SH3KBP1: variants seen among roughly 807,000 people sequenced by gnomAD.
SH3KBP1 encodes SH3 domain containing kinase binding protein 1.
A neutral mutation model predicts 50.1 loss-of-function variants in SH3KBP1; 8 were observed. The ratio of observed to expected loss-of-function variants is 0.16; its 90% CI spans 0.09 to 0.29. The LOEUF is 0.29. SH3KBP1 is among the 10% of genes least tolerant of loss of function. The probability of loss-of-function intolerance (pLI) is 1.00; values close to 1 mark genes in which losing one functional copy is unlikely to be tolerated. For synonymous variants in SH3KBP1, 227 were observed against 218.6 expected (o/e 1.04, Z -0.34); for missense variants, 377 against 535.2 (o/e 0.70, Z 2.92).
chrX:19,788,269 C>CAAAAAAAAAAAAA lies in SH3KBP1; in HGVS notation c.163-41841_163-41829dup, dbSNP rs1227301099. ...GAGCAACAGAGCAAGATTCTATCTC[C>CAAAAAAAAAAAAA]AAAAAAAAAAAAAAAACAAAAAAAA... On this transcript the variant is annotated intron_variant, in intron 2 of 17. Transcript: ENST00000397821. Among the ~76,000 whole-genome samples the CAAAAAAAAAAAAA allele has an allele frequency of 7.1e-4, 18 of 25,471 alleles. 1 individual carries two copies. The highest frequency in any genetic ancestry group is 2.7e-3 in the East Asian group (2 of 747). The allele number at this position is 25,471 out of a possible 115,157, so 22.1% of individuals were successfully genotyped here.
chrX:19,567,018 T>G (rs2065861876), intron 13 of SH3KBP1, among the ~76,000 whole-genome samples: 1 of 110,488 alleles, frequency 9.1e-6, no homozygotes, highest in African/African-American at 3.3e-5. Context: ...ATCGCACATC[T>G]GTTTCTAAAG....
chrX:19,852,548 T>A (rs756015331), intron 1 of SH3KBP1, among the ~76,000 whole-genome samples: 2 of 107,091 alleles, frequency 1.9e-5, no homozygotes, highest in South Asian at 8.4e-4. Flanking sequence ...GGACTCAAAG[T>A]CCGTCTTCTT....
intron 6 of SH3KBP1, among the ~76,000 whole-genome samples, chrX:19,662,819 CT>C (rs754310237): frequency 0.012 from 1,105 of 91,486 alleles, 4 homozygotes; most frequent in Non-Finnish European, 0.017. Flanking sequence ...CCAGGACTGA[CT>C]TTTTTTTTTT....
At chrX:19,641,191 A>G (rs751840607) in intron 7 of SH3KBP1, among the ~76,000 whole-genome samples, 1 of 112,287 alleles carries the variant, frequency 8.9e-6, no homozygotes, top group African/African-American at 3.2e-5. Context: ...AGTGGCTGGT[A>G]AGAAGAGAGG....
intron 2 of SH3KBP1, among the ~76,000 whole-genome samples, chrX:19,819,833 T>A (rs1286118148): frequency 8.9e-6 from 1 of 111,839 alleles, no homozygotes; most frequent in Non-Finnish European, 1.9e-5. Context: ...TCCTCCATTC[T>A]AATGTAAACT....
rs775185759 is a variant in SH3KBP1 at position 19,554,224 on chromosome X, CAT to C, written c.1385-4143_1385-4142del. ...CATATTAAAATATAATATTATATAT[CAT>C]ATTAAAATATATTATATATATTAAA... On this transcript the variant is annotated intron_variant, in intron 13 of 17. Coordinates refer to ENST00000397821, the MANE Select transcript of SH3KBP1 (RefSeq NM_031892.3). Among the ~76,000 whole-genome samples the C allele has an allele frequency of 2.9e-3, 193 of 67,191 alleles. 1 individual carries two copies. Among genetic ancestry groups the C allele is most frequent in the Non-Finnish European group, 4.0e-3 (165 of 41,489 alleles). 58.3% of individuals were successfully genotyped at this position (67,191 alleles called of 115,157 possible). A position where few individuals can be genotyped will look rare whatever the true frequency, so the allele number is the denominator to read the frequency against.
chrX:19,846,124 C>T (rs980210100), intron 1 of SH3KBP1, among the ~76,000 whole-genome samples: 6 of 112,060 alleles, frequency 5.4e-5, no homozygotes, highest in Admixed American at 1.9e-4. Flanking sequence ...TGCAGTGGCA[C>T]GATCTAGGCT....
chrX:19,779,306 A>C (rs2066084767), intron 2 of SH3KBP1, among the ~76,000 whole-genome samples: 1 of 108,703 alleles, frequency 9.2e-6, no homozygotes, highest in African/African-American at 3.3e-5. Context: ...CTCAAAAAAA[A>C]AAAAAAAAGG....
intron 5 of SH3KBP1, among the ~76,000 whole-genome samples, chrX:19,685,446 G>C (rs902344318): frequency 8.9e-6 from 1 of 111,769 alleles, no homozygotes; most frequent in African/African-American, 3.3e-5. Context: ...CCAAAAGGGT[G>C]GGGGAGGAGG....
rs779926975 is a variant in SH3KBP1 at position 19,760,549 on chromosome X, G to GT, written c.163-14109_163-14108insA. On this transcript the variant is annotated intron_variant, in intron 2 of 17. Coordinates refer to ENST00000397821, the MANE Select transcript of SH3KBP1 (RefSeq NM_031892.3). ...AGAATTGGACTCACCCTGTAACCAT[G>GT]GTTACATGCATCTGGCATGTGTCAC... is the stretch of plus-strand genomic sequence containing the variant. Among the ~76,000 whole-genome samples the GT allele has an allele frequency of 1.8e-5, 2 of 108,804 alleles. 1 individual carries two copies. Among genetic ancestry groups the GT allele is most frequent in the South Asian group, 8.4e-4 (2 of 2,382 alleles). The allele number at this position is 108,804 out of a possible 115,157, so 94.5% of individuals were successfully genotyped here.
chrX:19,618,261 G>A (rs1233482033), intron 8 of SH3KBP1, among the ~76,000 whole-genome samples: 1 of 109,512 alleles, frequency 9.1e-6, no homozygotes, highest in Non-Finnish European at 1.9e-5. Flanking sequence ...GCACACACAT[G>A]TAATCCCAGC....
chrX:19,551,730 C>G (rs1199272834), intron 13 of SH3KBP1, among the ~76,000 whole-genome samples: 1 of 108,438 alleles, frequency 9.2e-6, no homozygotes, highest in Non-Finnish European at 1.9e-5. Context: ...GACATGTTGC[C>G]CAGGCTGGAG....
intron 13 of SH3KBP1, among the ~76,000 whole-genome samples, chrX:19,559,988 A>G (rs923076866): frequency 1.8e-5 from 2 of 111,300 alleles, no homozygotes; most frequent in African/African-American, 3.3e-5. Context: ...AAAACTTTAC[A>G]AAAAGGTATG....
rs771073241 is a variant in SH3KBP1, at chrX:19,830,850, A to AT, written c.162+5274dup. Among the ~76,000 whole-genome samples the AT allele has an allele frequency of 9.7e-3, 1,095 of 112,327 alleles. 20 individuals carry two copies. Among genetic ancestry groups the AT allele is most frequent in the African/African-American group, 0.033 (1,034 of 30,884 alleles). The stretch of plus-strand genomic sequence containing the variant: ...CTTCTTCCATATTTACAATAAATAA[A>AT]TAAGGACAAACTAAATAAAAGAGAG... On this transcript the variant is annotated intron_variant, in intron 2 of 17. Transcript: ENST00000397821.
At chrX:19,559,121 A>G (rs1341307543) in intron 13 of SH3KBP1, among the ~76,000 whole-genome samples, 4 of 102,454 alleles carry the variant, frequency 3.9e-5, no homozygotes, top group Non-Finnish European at 6.0e-5. Flanking sequence ...TACAAAAAAC[A>G]TTTAGCTGGG....
chrX:19,565,051 A>ATTTTTTTTTTTTTT lies in SH3KBP1; in HGVS notation c.1384+4038_1384+4051dup, dbSNP rs59323105. On this transcript the variant is annotated intron_variant, in intron 13 of 17. Transcript: ENST00000397821. ...TCAGAGAGACCTGGCTTCAACTCCA[A>ATTTTTTTTTTTTTT]TTTTTTTTTTTTTTTTTTTTTTTTT... Among the ~76,000 whole-genome samples the ATTTTTTTTTTTTTT allele has an allele frequency of 7.1e-4, 47 of 66,514 alleles. 4 individuals are homozygous for ATTTTTTTTTTTTTT. The highest frequency in any genetic ancestry group is 3.4e-3 in the African/African-American group (45 of 13,300). The allele number at this position is 66,514 out of a possible 115,157, so 57.8% of individuals were successfully genotyped here. A position where few individuals can be genotyped will look rare whatever the true frequency, so the allele number is the denominator to read the frequency against.
chrX:19,771,141 C>G (rs937822734), intron 2 of SH3KBP1, among the ~76,000 whole-genome samples: 3 of 111,027 alleles, frequency 2.7e-5, no homozygotes, highest in African/African-American at 9.8e-5. Flanking sequence ...GATTATAGGC[C>G]AAAAAGAAAA....
chrX:19,879,078 T>C (rs891712798), intron 1 of SH3KBP1, among the ~76,000 whole-genome samples: 23 of 111,000 alleles, frequency 2.1e-4, no homozygotes, highest in African/African-American at 7.2e-4. Flanking sequence ...GCCCCATCTC[T>C]ACAAAAAAAT....
At chrX:19,616,394 A>G (rs765780341) in intron 8 of SH3KBP1, among the ~76,000 whole-genome samples, 3 of 111,888 alleles carry the variant, frequency 2.7e-5, no homozygotes, top group South Asian at 3.7e-4. Context: ...TTCTTTTTAC[A>G]TACTATATAA....
Sources: gnomAD v4.1 joint callset for allele counts (sites outside exome capture counted in the v4.1 genomes callset) on GRCh38, gnomAD v4.1.1 for gene constraint, MANE v1.5 for transcripts, NCBI Gene and HGNC (gene_info 2026-07-23, HGNC 2026-07-21) for gene names.